Variants in HPSE2 observed in about 807,000 individuals in gnomAD.
HPSE2 encodes the protein heparanase 2 (inactive).
In HPSE2, 38 loss-of-function variants were observed where a neutral mutation model predicts 60.5. The ratio of observed to expected loss-of-function variants is 0.63; its 90% confidence interval spans 0.48 to 0.82. The LOEUF (loss-of-function observed/expected upper bound fraction) is 0.82. Ranked by LOEUF, HPSE2 falls within the 40% of genes least tolerant of loss-of-function variation. The pLI is 0.00. For missense variants in HPSE2, 713 were observed against 740.4 expected (o/e 0.96, Z 0.43); for synonymous variants, 295 against 293.2 (o/e 1.01, Z -0.06).
intron 9 of HPSE2, among the ~76,000 whole-genome samples, chr10:98,602,304 A>T (rs1945450575): frequency 6.6e-6 from 1 of 152,162 alleles, no homozygotes; most frequent in African/African-American, 2.4e-5. Flanking sequence ...CCCAAATGCA[A>T]TGTGGTTGTG....
At chr10:99,006,904 T>C (rs927304805) in intron 3 of HPSE2, among the ~76,000 whole-genome samples, 1 of 151,774 alleles carries the variant, frequency 6.6e-6, no homozygotes, top group African/African-American at 2.4e-5. Context: ...GCTTGGAAGC[T>C]CAATTTACAG....
chr10:98,978,959 T>C (rs150681809), intron 3 of HPSE2, among the ~76,000 whole-genome samples: 157 of 152,356 alleles, frequency 1.0e-3, no homozygotes, highest in African/African-American at 3.6e-3. Flanking sequence ...GGAGATGCTC[T>C]GCCTTCTTGT....
At chr10:98,938,824 G>A (rs1455297731) in intron 3 of HPSE2, among the ~76,000 whole-genome samples, 4 of 143,872 alleles carry the variant, frequency 2.8e-5, no homozygotes, top group South Asian at 2.1e-4. Flanking sequence ...AATGTTAAGG[G>A]CAGACAGAGA....
chr10:99,269,297 G>A, the HPSE2 span, among the ~76,000 whole-genome samples: 14 of 152,136 alleles, frequency 9.2e-5, no homozygotes, highest in African/African-American at 3.4e-4. Flanking sequence ...GTAAGCAGAA[G>A]TGACTATTCT....
intron 3 of HPSE2, among the ~76,000 whole-genome samples, chr10:99,061,495 C>A (rs1842443052): frequency 6.6e-6 from 1 of 152,142 alleles, no homozygotes; most frequent in East Asian, 1.9e-4. Context: ...TAGCATAAGA[C>A]AAATCTATGC....
chr10:99,249,811 T>C, the HPSE2 span, among the ~76,000 whole-genome samples: 1 of 152,164 alleles, frequency 6.6e-6, no homozygotes, highest in East Asian at 1.9e-4. Context: ...TTGCTGTTCT[T>C]GTGATAGTGG....
At chr10:98,797,701 G>A (rs369227735) in intron 3 of HPSE2, among the ~76,000 whole-genome samples, 11 of 151,986 alleles carry the variant, frequency 7.2e-5, no homozygotes, top group African/African-American at 2.2e-4. Context: ...AAAATTAGCC[G>A]AGCGTGGTGG....
At chr10:99,043,206 C>T (rs115204000) in intron 3 of HPSE2, among the ~76,000 whole-genome samples, 6 of 152,224 alleles carry the variant, frequency 3.9e-5, no homozygotes, top group East Asian at 1.9e-4. Context: ...AGCTGGAGGC[C>T]GGGCATGGTG....
chr10:98,531,533 G>T (rs1220349890), intron 9 of HPSE2, among the ~76,000 whole-genome samples: 2 of 152,132 alleles, frequency 1.3e-5, no homozygotes, highest in African/African-American at 4.8e-5. Context: ...GTGCACGTGC[G>T]GGCTAATAAT....
At chr10:98,597,470 G>A (rs1370200673) in intron 9 of HPSE2, among the ~76,000 whole-genome samples, 1 of 150,274 alleles carries the variant, frequency 6.7e-6, no homozygotes, top group African/African-American at 2.5e-5. Context: ...TTCGAGACCA[G>A]CCTTGTCAAC....
chr10:99,055,535 T>C (rs1428066930), intron 3 of HPSE2, among the ~76,000 whole-genome samples: 1 of 152,082 alleles, frequency 6.6e-6, no homozygotes, highest in African/African-American at 2.4e-5. Context: ...GCTGATAAAA[T>C]ATTGGAAAAA....
At chr10:99,122,323 A>G (rs1179755680) in intron 3 of HPSE2, among the ~76,000 whole-genome samples, 2 of 152,010 alleles carry the variant, frequency 1.3e-5, no homozygotes, top group African/African-American at 4.8e-5. Flanking sequence ...TATCACCACT[A>G]TTTTTCAATC....
the HPSE2 span, among the ~76,000 whole-genome samples, chr10:99,247,453 T>C: frequency 6.6e-6 from 1 of 152,190 alleles, no homozygotes; most frequent in African/African-American, 2.4e-5. Flanking sequence ...CTTAAGTATA[T>C]AACCCATAGA....
rs574864221 is a variant in HPSE2, at chr10:99,167,017, G to A, written c.449-22618C>T. 3.3e-4 allele frequency among the ~76,000 whole-genome samples: 50 copies of A among 150,668 alleles called. 1 individual carries two copies. The South Asian group carries it at 0.01, about 31-fold the overall frequency. On this transcript the variant is annotated intron_variant, in intron 2 of 11. Transcript: ENST00000370552. ...TTCTTTCCTTTTTGTTTGTTTGTTT[G>A]TTTGTTTGTTTGAGACAGAGTCTTG...
intron 3 of HPSE2, among the ~76,000 whole-genome samples, chr10:98,915,507 G>A (rs886178562): frequency 1.3e-5 from 2 of 152,058 alleles, no homozygotes; most frequent in African/African-American, 4.8e-5. Context: ...AAAAATGAGA[G>A]GGAGGGAAAA....
chr10:98,937,769 C>T (rs11189887), intron 3 of HPSE2, among the ~76,000 whole-genome samples: 32,470 of 138,950 alleles, frequency 0.23, 7,522 homozygotes, highest in African/African-American at 0.47. Flanking sequence ...GATCTGAGAA[C>T]GGGCAGACTG....
At chr10:99,103,059 T>G (rs1348917126) in intron 3 of HPSE2, among the ~76,000 whole-genome samples, 1 of 152,208 alleles carries the variant, frequency 6.6e-6, no homozygotes, top group Non-Finnish European at 1.5e-5. Flanking sequence ...AGCATTCCCT[T>G]TGAAAACCGG....
chr10:99,256,998 A>C, the HPSE2 span, among the ~76,000 whole-genome samples: 1 of 152,218 alleles, frequency 6.6e-6, no homozygotes, highest in Non-Finnish European at 1.5e-5. Flanking sequence ...ATATTTTTAT[A>C]ATTTCTTACG....
chr10:98,983,571 G>A (rs979536400), intron 3 of HPSE2, among the ~76,000 whole-genome samples: 1 of 152,204 alleles, frequency 6.6e-6, no homozygotes, highest in African/African-American at 2.4e-5. Context: ...TTCTAGCACA[G>A]ACAAAGTCAA....
Sources: gnomAD v4.1 joint callset for allele counts (sites outside exome capture counted in the v4.1 genomes callset) on GRCh38, gnomAD v4.1.1 for gene constraint, MANE v1.5 for transcripts, NCBI Gene and HGNC (gene_info 2026-07-23, HGNC 2026-07-21) for gene names.